The following KNDC1 variants were observed in gnomAD, a reference collection of about 807,000 sequenced individuals.
The protein encoded by KNDC1 is kinase non-catalytic C-lobe domain-containing protein 1.
Under a neutral mutation model 172.8 loss-of-function variants are expected in KNDC1, and 106 were observed. That is an observed-to-expected ratio of 0.61 (90% confidence interval 0.52 to 0.72). KNDC1 has a LOEUF of 0.72. Ranked by LOEUF, KNDC1 falls within the 30% of genes least tolerant of loss-of-function variation. The pLI, the probability that KNDC1 is intolerant of heterozygous loss-of-function variation, is 0.00. For synonymous variants in KNDC1, 1,083 were observed against 1,062.2 expected (o/e 1.02, Z -0.38); for missense variants, 2,325 against 2,394.5 (o/e 0.97, Z 0.61).
At chr10:133,206,357 G>C (rs1472629808) in intron 17 of KNDC1, among the ~76,000 whole-genome samples, 2 of 152,268 alleles carry the variant, frequency 1.3e-5, no homozygotes, top group East Asian at 3.8e-4. Flanking sequence ...CTGCCTGCTT[G>C]GGCAGGAGGG....
At chr10:133,212,358 C>T (rs1845386619) in intron 23 of KNDC1, among the ~76,000 whole-genome samples, 1 of 152,246 alleles carries the variant, frequency 6.6e-6, no homozygotes, top group Admixed American at 6.5e-5. Flanking sequence ...TCCCAGGCAG[C>T]CCTGCTGCGC....
Position 133,220,229 on chromosome 10 carries a change from C to G in KNDC1, c.5018+117C>G, listed in dbSNP as rs1465746208. On this transcript the variant is annotated intron_variant, in intron 29 of 29. Transcript: ENST00000304613. ...CCCAGGAGAGGAGGGGCTCAGGCGG[C>G]CGCGCGCCCAGGTGAGGAGGGGCTC... 624 of 395,620 alleles carry G rather than the reference C, an allele frequency of 1.6e-3. 3 individuals carry two copies. Among genetic ancestry groups the G allele is most frequent in the African/African-American group, 0.012 (313 of 26,264 alleles). 24.5% of individuals were successfully genotyped at this position (395,620 alleles called of 1,614,324 possible). A position where few individuals can be genotyped will look rare whatever the true frequency, so the allele number is the denominator to read the frequency against.
intron 9 of KNDC1, among the ~76,000 whole-genome samples, chr10:133,194,406 T>C (rs1300249428): frequency 3.3e-5 from 5 of 152,202 alleles, no homozygotes; most frequent in Non-Finnish European, 7.3e-5. Context: ...CCAATGGCGA[T>C]GTGCTGGCTG....
chr10:133,170,710 TAGTG>T, intron 3 of KNDC1, among the ~76,000 whole-genome samples: 1 of 152,246 alleles, frequency 6.6e-6, no homozygotes, highest in East Asian at 1.9e-4. Flanking sequence ...TTTCCAAAAT[TAGTG>T]AGAAGAGTGG....
chr10:133,164,251 G>A (rs1461398776), intron 1 of KNDC1: 1 of 152,536 alleles, frequency 6.6e-6, no homozygotes, highest in Non-Finnish European at 1.5e-5. Context: ...CGCCCTGCTA[G>A]GGATGGTAAG....
Position 133,175,000 on chromosome 10 carries a change from T to TGGTGG in KNDC1, c.360+6688_360+6689insGGTGG. On this transcript the variant is annotated intron_variant, in intron 3 of 29. Coordinates refer to ENST00000304613, the MANE Select transcript of KNDC1 (RefSeq NM_152643.8). The stretch of plus-strand genomic sequence containing the variant: ...AGTGGGTGGATGGGTGGATGGTGGA[T>TGGTGG]ATGTGAATGGATGGGTGGGTGGAAA... Among the ~76,000 whole-genome samples, 4 of 146,156 alleles carry TGGTGG rather than the reference T, an allele frequency of 2.7e-5. 1 individual carries two copies. The highest frequency in any genetic ancestry group is 1.0e-4 in the African/African-American group (4 of 38,982).
rs201155087 is a variant in KNDC1, at chr10:133,200,455, G to C, written c.2984G>C (p.Arg995Pro). 3.7e-5 allele frequency: 59 copies of C among 1,576,554 alleles called. No homozygotes were observed. The East Asian group carries it at 1.2e-3, about 31-fold the overall frequency. ...SPSSKRPSLH[R>P]LGKEKPAMAR... is the part of the protein sequence containing the mutation. Reference sequence around the variant, plus strand: ...TCCAGCAAGAGGCCGTCGCTGCACCGCCTGGGTAAGTGCTGGGCGGGCCCC... The same window carrying C: ...TCCAGCAAGAGGCCGTCGCTGCACCCCCTGGGTAAGTGCTGGGCGGGCCCC... Residue 995 changes from arginine (R) to proline (P), a missense_variant, in exon 16 of 30, where the codon CGC becomes CCC. Transcript: ENST00000304613.
Position 133,197,127 on chromosome 10 carries a change from A to G in KNDC1, c.1804A>G (p.Ile602Val). The G allele has an allele frequency of 6.2e-7, 1 of 1,612,884 alleles. No individual in the cohort carries two copies. ...RKILAHLRASICQVYQEEETI... is the reference protein window; with the variant it reads ...RKILAHLRASVCQVYQEEETI... ...AATCCTTGCCCACCTCAGAGCTTCCATCTGCCAGGTGGGCTAGAACAGCCA... is the reference window on the plus strand; with the variant it reads ...AATCCTTGCCCACCTCAGAGCTTCCGTCTGCCAGGTGGGCTAGAACAGCCA... Residue 602 changes from isoleucine (I) to valine (V), a missense_variant, in exon 11 of 30, where the codon ATC becomes GTC. Physicochemically the swap from Ile to Val is conservative, Grantham distance 29. Transcript: ENST00000304613.
chr10:133,210,849 C>T, intron 21 of KNDC1, 125 bp downstream of exon 21: 1 of 809,630 alleles, frequency 1.2e-6, no homozygotes. Context: ...GGTGAGGGGC[C>T]AGGGAAGCCT....
In KNDC1 at chr10:133,206,069, G is replaced by A. The variant is rs11101636; in HGVS notation, c.3388-616G>A. Among the ~76,000 whole-genome samples the A allele has an allele frequency of 5.8e-3, 883 of 152,076 alleles. 7 individuals carry two copies. The highest frequency in any genetic ancestry group is 0.02 in the African/African-American group (847 of 41,486). ...TACAAAATTAGCCGGGCATGGTGGT[G>A]CATGCCTGTAATCCCAGCTACTCGG... On this transcript the variant is annotated intron_variant, in intron 17 of 29. Transcript: ENST00000304613.
In KNDC1 at chr10:133,167,515, C is replaced by A; in HGVS notation, c.237C>A (p.Cys79Ter). Residue 79 changes from cysteine (C) to a stop codon, truncating the protein, a stop_gained, in exon 2 of 30, where the codon TGC becomes TGA. Coordinates refer to ENST00000304613, the MANE Select transcript of KNDC1 (RefSeq NM_152643.8). LOFTEE classifies it high-confidence loss of function. ...ACGCCGCCATCTTCCAGAGCCTGTGCATCACGCCCGACACCCTGGCCTTCA... is the reference window on the plus strand; with the variant it reads ...ACGCCGCCATCTTCCAGAGCCTGTGAATCACGCCCGACACCCTGGCCTTCA... ...VAHAAIFQSL[C>*]ITPDTLAFNT... 1 of 1,605,294 alleles carries A rather than the reference C, an allele frequency of 6.2e-7. No individual in the cohort carries two copies. Among genetic ancestry groups the A allele is most frequent in the East Asian group, 2.2e-5 (1 of 44,474 alleles).
Position 133,209,356 on chromosome 10 carries a change from GTGCACA to G in KNDC1, c.3795-1252_3795-1247del, listed in dbSNP as rs1845303734. Among the ~76,000 whole-genome samples, 9 of 151,196 alleles carry G rather than the reference GTGCACA, an allele frequency of 6.0e-5. No individual in the cohort carries two copies. The highest frequency in any genetic ancestry group is 9.8e-5 in the African/African-American group (4 of 41,014). ...TGCTGTGCGGTGTGGGGTATAGTGT[GTGCACA>G]TGTGGTGTGAGGTATAGTGTGGCAT... is the stretch of plus-strand genomic sequence containing the variant. On this transcript the variant is annotated intron_variant, in intron 20 of 29. Coordinates refer to ENST00000304613, the MANE Select transcript of KNDC1 (RefSeq NM_152643.8). The surrounding 1 kb of genome is among the most constrained non-coding windows in gnomAD (Gnocchi z 4.9).
At chr10:133,188,949 G>A (rs74164113) in intron 7 of KNDC1, among the ~76,000 whole-genome samples, 4,796 of 152,020 alleles carry the variant, frequency 0.032, 230 homozygotes, top group African/African-American at 0.11. Flanking sequence ...CCTGCAAGGT[G>A]GGCCTTGAAA....
At position 133,211,500 on chromosome 10, in the gene KNDC1, C is replaced by A; in HGVS notation, c.3987C>A (p.Asp1329Glu). ...GCGTCCTGCAGGCCTGGGTGGAGGA[C>A]TGCTACGCTGTGGACTTCCCTCGGA... is the stretch of plus-strand genomic sequence containing the variant. ...SLCVLQAWVE[D>E]CYAVDFPRNS... Residue 1329 changes from aspartate to glutamate, a missense_variant, in exon 22 of 30, where the codon GAC (aspartate) becomes GAA (glutamate). Coordinates refer to ENST00000304613, the MANE Select transcript of KNDC1 (RefSeq NM_152643.8). The A allele has an allele frequency of 5.6e-6, 9 of 1,614,010 alleles. No individual in the cohort carries two copies. The highest frequency in any genetic ancestry group is 7.6e-6 in the Non-Finnish European group (9 of 1,179,912).
intron 23 of KNDC1, among the ~76,000 whole-genome samples, chr10:133,212,067 T>G (rs1252641624): frequency 6.6e-6 from 1 of 151,462 alleles, no homozygotes; most frequent in Non-Finnish European, 1.5e-5. Flanking sequence ...CGTGCACATA[T>G]GCATGCACCT....
intron 3 of KNDC1, among the ~76,000 whole-genome samples, chr10:133,168,726 TAGC>T (rs1853269466): frequency 1.3e-5 from 2 of 152,210 alleles, no homozygotes; most frequent in Admixed American, 6.5e-5. Context: ...CTGAGGGAGT[TAGC>T]AGCCGGGCCA....
intron 29 of KNDC1, among the ~76,000 whole-genome samples, chr10:133,221,199 T>C (rs1010234309): frequency 1.4e-4 from 22 of 152,098 alleles, no homozygotes; most frequent in African/African-American, 5.1e-4. Flanking sequence ...CTGCTCCCCT[T>C]GAAACCCCTC....
At chr10:133,200,658 T>C (rs1442007087) in intron 16 of KNDC1, among the ~76,000 whole-genome samples, 198 bp downstream of exon 16, 1 of 151,704 alleles carries the variant, frequency 6.6e-6, no homozygotes, top group African/African-American at 2.4e-5. Context: ...CTCCTGGGGG[T>C]GCCCAGCCAA....
chr10:133,181,958 T>C (rs904151707), intron 3 of KNDC1, among the ~76,000 whole-genome samples: 1 of 152,226 alleles, frequency 6.6e-6, no homozygotes, highest in Non-Finnish European at 1.5e-5. Flanking sequence ...TGTGACACTT[T>C]CTGTCTTGTT....
Sources: gnomAD v4.1 joint callset for allele counts (sites outside exome capture counted in the v4.1 genomes callset) on GRCh38, gnomAD v4.1.1 for gene constraint, Gnocchi (gnomAD v3.1) non-coding constraint, MANE v1.5 for transcripts, NCBI Gene and HGNC (gene_info 2026-07-23, HGNC 2026-07-21) for gene names.